Variants in CCSER1 observed in about 807,000 individuals in gnomAD.
CCSER1 encodes serine-rich coiled-coil domain-containing protein 1.
In CCSER1, 41 loss-of-function variants were observed where a neutral mutation model predicts 82.0. That is an observed-to-expected ratio of 0.50 (90% confidence interval 0.39 to 0.65). The LOEUF is 0.65. Ranked by LOEUF, CCSER1 falls within the 30% of genes least tolerant of loss-of-function variation. The pLI is 0.00. For missense variants in CCSER1, 1,119 were observed against 1,064.2 expected, an observed-to-expected ratio of 1.05 and a Z score of -0.72; for synonymous variants, 414 against 383.9, an observed-to-expected ratio of 1.08 and a Z score of -0.92.
At chr4:90,959,499 C>T (rs1024691542) in intron 9 of CCSER1, among the ~76,000 whole-genome samples, 1 of 152,012 alleles carries the variant, frequency 6.6e-6, no homozygotes, top group Non-Finnish European at 1.5e-5. Flanking sequence ...CCTGAGTTTT[C>T]TTTGTTCTTT....
intron 10 of CCSER1, among the ~76,000 whole-genome samples, chr4:91,184,628 G>A (rs888727223): frequency 6.6e-6 from 1 of 152,120 alleles, no homozygotes; most frequent in African/African-American, 2.4e-5. Flanking sequence ...TTACTTAGCA[G>A]CCATTGTTCT....
At chr4:90,246,372 T>G (rs2153437624) in intron 1 of CCSER1, among the ~76,000 whole-genome samples, 1 of 152,302 alleles carries the variant, frequency 6.6e-6, no homozygotes, top group African/African-American at 2.4e-5. Context: ...CTTATCATTT[T>G]TAGTGCCTTG....
At chr4:90,312,522 G>C (rs947448221) in intron 2 of CCSER1, among the ~76,000 whole-genome samples, 1 of 152,090 alleles carries the variant, frequency 6.6e-6, no homozygotes, top group Admixed American at 6.6e-5. Flanking sequence ...GAGAATTGTA[G>C]CAAATATTGC....
intron 10 of CCSER1, among the ~76,000 whole-genome samples, chr4:91,267,266 CTT>C (rs1741669083): frequency 6.6e-6 from 1 of 152,048 alleles, no homozygotes; most frequent in African/African-American, 2.4e-5. Context: ...CAATTCATCT[CTT>C]AGTTCTTTGT....
At chr4:90,834,455 T>A (rs1761529878) in intron 8 of CCSER1, among the ~76,000 whole-genome samples, 1 of 152,174 alleles carries the variant, frequency 6.6e-6, no homozygotes, top group Non-Finnish European at 1.5e-5. Flanking sequence ...TGAAATTCCT[T>A]AGCTATTTAC....
chr4:91,346,894 T>C (rs2149294219), intron 10 of CCSER1, among the ~76,000 whole-genome samples: 1 of 152,300 alleles, frequency 6.6e-6, no homozygotes, highest in East Asian at 1.9e-4. Context: ...CATTATCAGA[T>C]ATGTGCTTTG....
intron 1 of CCSER1, among the ~76,000 whole-genome samples, chr4:90,216,451 A>T (rs1741046932): frequency 6.6e-6 from 1 of 152,188 alleles, no homozygotes; most frequent in Non-Finnish European, 1.5e-5. Flanking sequence ...GAATGTTTTT[A>T]AGATCTTTCA....
intron 8 of CCSER1, among the ~76,000 whole-genome samples, chr4:90,879,892 A>G (rs1721038986): frequency 6.6e-6 from 1 of 152,170 alleles, no homozygotes; most frequent in South Asian, 2.1e-4. Flanking sequence ...GATACAGTCA[A>G]TAGACTTATT....
At chr4:90,323,487 T>A (rs1451953624) in intron 3 of CCSER1, among the ~76,000 whole-genome samples, 1 of 152,210 alleles carries the variant, frequency 6.6e-6, no homozygotes, top group Non-Finnish European at 1.5e-5. Flanking sequence ...CTGTGAGCAC[T>A]GGCAGAATTT....
chr4:90,956,150 C>T (rs11097283), intron 9 of CCSER1, among the ~76,000 whole-genome samples: 42,201 of 151,730 alleles, frequency 0.28, 7,107 homozygotes, highest in East Asian at 0.38. Flanking sequence ...TAAATAAAAA[C>T]GTGTATTGAT....
intron 10 of CCSER1, among the ~76,000 whole-genome samples, chr4:91,336,156 TTGA>T (rs1747311224): frequency 6.6e-6 from 1 of 152,128 alleles, no homozygotes; most frequent in African/African-American, 2.4e-5. Flanking sequence ...TTAACTGTTG[TTGA>T]TAAGAGAATC....
chr4:91,276,799 T>A (rs973093186), intron 10 of CCSER1, among the ~76,000 whole-genome samples: 1 of 152,128 alleles, frequency 6.6e-6, no homozygotes, highest in Non-Finnish European at 1.5e-5. Flanking sequence ...ATATATGGCA[T>A]TTGTTATCTT....
At chr4:90,903,074 C>T (rs1724905222) in intron 8 of CCSER1, among the ~76,000 whole-genome samples, 2 of 152,112 alleles carry the variant, frequency 1.3e-5, no homozygotes, top group South Asian at 2.1e-4. Flanking sequence ...ATTGACCATT[C>T]TCTAAAATTG....
intron 10 of CCSER1, among the ~76,000 whole-genome samples, chr4:91,434,195 TTG>T (rs1023110602): frequency 1.0e-4 from 15 of 142,930 alleles, no homozygotes; most frequent in African/African-American, 4.3e-4. Context: ...GACTTTTTGT[TTG>T]TTTTTTTTTT....
intron 10 of CCSER1, among the ~76,000 whole-genome samples, chr4:91,169,350 G>A (rs534145097): frequency 2.0e-5 from 3 of 152,078 alleles, no homozygotes; most frequent in Admixed American, 1.3e-4. Context: ...GCCAGGCATG[G>A]TGTCTCACGC....
At chr4:91,422,913 A>T (rs955736390) in intron 10 of CCSER1, among the ~76,000 whole-genome samples, 7 of 152,122 alleles carry the variant, frequency 4.6e-5, no homozygotes, top group Non-Finnish European at 1.0e-4. Flanking sequence ...AAGACATTTC[A>T]ATGTCAACTT....
rs1436448527 is a variant in CCSER1, at chr4:90,553,013, C to T, written c.1725-75012C>T. On this transcript the variant is annotated intron_variant, in intron 5 of 10. Transcript: ENST00000509176. ...TTGAGACGGAGTCTCGCTCTGTCATCAGGCTGGAGTGCAGTGGTACAATCT... is the reference window on the plus strand; with the variant it reads ...TTGAGACGGAGTCTCGCTCTGTCATTAGGCTGGAGTGCAGTGGTACAATCT... Among the ~76,000 whole-genome samples, 4 of 148,968 alleles carry T rather than the reference C, an allele frequency of 2.7e-5. No individual in the cohort carries two copies. In the East Asian group the frequency reaches 8.0e-4, roughly 30 times the overall value.
At chr4:91,518,483 C>A (rs1485772003) in intron 10 of CCSER1, among the ~76,000 whole-genome samples, 1 of 152,094 alleles carries the variant, frequency 6.6e-6, no homozygotes, top group African/African-American at 2.4e-5. Flanking sequence ...AGTACCACTG[C>A]AAAGGTGTTT....
chr4:91,355,691 G>A (rs112448541), intron 10 of CCSER1, among the ~76,000 whole-genome samples: 3,056 of 152,256 alleles, frequency 0.02, 91 homozygotes, highest in African/African-American at 0.066. Flanking sequence ...TCGGCCATGC[G>A]TGGACCAGTC....
Sources: gnomAD v4.1 joint callset for allele counts (sites outside exome capture counted in the v4.1 genomes callset) on GRCh38, gnomAD v4.1.1 for gene constraint, MANE v1.5 for transcripts, NCBI Gene and HGNC (gene_info 2026-07-23, HGNC 2026-07-21) for gene names.